Variants in FNIP2 observed in about 807,000 individuals in gnomAD.
The protein encoded by FNIP2 is folliculin interacting protein 2, also known as folliculin-interacting protein 2.
A neutral mutation model predicts 108.7 loss-of-function variants in FNIP2; 32 were observed. The ratio of observed to expected loss-of-function variants is 0.29; its 90% confidence interval spans 0.22 to 0.40. FNIP2 has a LOEUF of 0.40. FNIP2 is among the 10% of genes least tolerant of loss of function. The pLI is 1.00. For missense variants in FNIP2, 1,202 were observed against 1,381.6 expected (o/e 0.87, Z 2.06); for synonymous variants, 480 against 496.7 (o/e 0.97, Z 0.45).
At chr4:158,899,054 T>C (rs1782957134) in intron 16 of FNIP2, among the ~76,000 whole-genome samples, 1 of 152,110 alleles carries the variant, frequency 6.6e-6, no homozygotes, top group African/African-American at 2.4e-5. Context: ...TAGCTTGAAG[T>C]GGTGTTGAGT....
At chr4:158,849,717 G>A (rs1779592056) in intron 7 of FNIP2, among the ~76,000 whole-genome samples, 1 of 151,980 alleles carries the variant, frequency 6.6e-6, no homozygotes, top group Non-Finnish European at 1.5e-5. Flanking sequence ...CTTGAAATGT[G>A]GATTTGGTTT....
rs528174983 is a variant in FNIP2 at position 158,881,685 on chromosome 4, G to A, written c.2950-9761G>A. 3.8e-3 allele frequency among the ~76,000 whole-genome samples: 578 copies of A among 152,110 alleles called. 2 individuals are homozygous for A. The highest frequency in any genetic ancestry group is 0.013 in the African/African-American group (530 of 41,498). ...CCGGGCTGGTCTCCAGCTCCTAACC[G>A]CGAGTGATCTGCCAGCCTCGGCCTC... On this transcript the variant is annotated intron_variant, in intron 14 of 16. Transcript: ENST00000264433.
chr4:158,894,772 T>G (rs1285566369), intron 15 of FNIP2, among the ~76,000 whole-genome samples: 1 of 152,204 alleles, frequency 6.6e-6, no homozygotes, highest in Admixed American at 6.5e-5. Flanking sequence ...TTATTACTCT[T>G]AGTCACTTAG....
At chr4:158,778,642 A>G (rs998451494) in intron 1 of FNIP2, among the ~76,000 whole-genome samples, 3 of 152,176 alleles carry the variant, frequency 2.0e-5, no homozygotes, top group African/African-American at 7.2e-5. Flanking sequence ...ATTGTTGTTA[A>G]TCTCTTACTG....
At chr4:158,883,529 T>C (rs10007419) in intron 14 of FNIP2, among the ~76,000 whole-genome samples, 65,575 of 152,080 alleles carry the variant, frequency 0.43, 14,696 homozygotes, top group Middle Eastern at 0.53. Context: ...GCGTGAGCCA[T>C]CGCGCCCAGC....
intron 16 of FNIP2, among the ~76,000 whole-genome samples, chr4:158,902,850 C>T (rs553414479): frequency 7.2e-4 from 109 of 152,280 alleles, no homozygotes; most frequent in Admixed American, 1.3e-3. Flanking sequence ...CAACCTCAAA[C>T]GTCCCAGGTC....
At chr4:158,878,440 C>T (rs1472608353) in intron 14 of FNIP2, among the ~76,000 whole-genome samples, 1 of 152,164 alleles carries the variant, frequency 6.6e-6, no homozygotes, top group Admixed American at 6.5e-5. Context: ...CATGAGAAAT[C>T]AAAACCCCCT....
chr4:158,876,140 C>A (rs1250479840), intron 14 of FNIP2, among the ~76,000 whole-genome samples: 1 of 152,126 alleles, frequency 6.6e-6, no homozygotes, highest in South Asian at 2.1e-4. Context: ...CTCTGGGTAT[C>A]CCCAACTCCA....
chr4:158,850,189 A>G (rs1779620332), intron 7 of FNIP2, among the ~76,000 whole-genome samples: 1 of 152,238 alleles, frequency 6.6e-6, no homozygotes, highest in African/African-American at 2.4e-5. Flanking sequence ...AGTGATATTC[A>G]TGAGCATAGT....
chr4:158,889,998 C>A, intron 14 of FNIP2: 1 of 985,284 alleles, frequency 1.0e-6, no homozygotes, highest in Non-Finnish European at 1.2e-6. Flanking sequence ...GTGAAAGGGT[C>A]ATGAAAACCT....
intron 1 of FNIP2, among the ~76,000 whole-genome samples, chr4:158,792,443 T>C (rs1776452069): frequency 6.6e-6 from 1 of 151,824 alleles, no homozygotes; most frequent in African/African-American, 2.4e-5. Flanking sequence ...TGGAGTGCTG[T>C]CTAGTGGTCC....
intron 8 of FNIP2, among the ~76,000 whole-genome samples, chr4:158,854,445 C>T (rs1200807762): frequency 4.6e-5 from 7 of 152,208 alleles, no homozygotes; most frequent in Admixed American, 6.5e-5. Flanking sequence ...CTTCTAACAC[C>T]GTGTCCTGCC....
chr4:158,828,924 C>G (rs764359180), intron 2 of FNIP2, among the ~76,000 whole-genome samples, 155 bp from the exon 3 acceptor site: 2 of 152,084 alleles, frequency 1.3e-5, no homozygotes, highest in Non-Finnish European at 2.9e-5. Context: ...CATCCCAAAC[C>G]ATGTTTTTGT....
At position 158,904,579 on chromosome 4, in the gene FNIP2, A is replaced by AAAATC. The variant is rs746793630; in HGVS notation, c.*40_*44dup. On this transcript the variant is annotated 3_prime_UTR_variant, in exon 17 of 17. Coordinates refer to ENST00000264433, the MANE Select transcript of FNIP2 (RefSeq NM_020840.3). ...CAGGACAGTTCTTCCTTGGAAGAAAAAAATCAAATTCTCAACTGAAGGAGA... is the reference window on the plus strand; with the variant it reads ...CAGGACAGTTCTTCCTTGGAAGAAAAAAATCAAATCAAATTCTCAACTGAAGGAGA... 2.6e-6 allele frequency: 4 copies of AAAATC among 1,558,722 alleles called. No homozygotes were observed. In the Admixed American group the frequency reaches 6.8e-5, roughly 26 times the overall value.
chr4:158,887,686 G>A (rs1340555789), intron 14 of FNIP2, among the ~76,000 whole-genome samples: 6 of 133,070 alleles, frequency 4.5e-5, no homozygotes, highest in Admixed American at 8.7e-5. Flanking sequence ...GTAGAGAGCC[G>A]AGAATGCACT....
intron 2 of FNIP2, 31 bp from the exon 3 acceptor site, chr4:158,829,048 T>C: frequency 6.5e-7 from 1 of 1,546,726 alleles, no homozygotes. Flanking sequence ...TACTTAGTAA[T>C]CTTTTACCTT....
rs566101786 is a variant in FNIP2, at chr4:158,873,872, C to T, written c.2949+3403C>T. On this transcript the variant is annotated intron_variant, in intron 14 of 16. Coordinates refer to ENST00000264433, the MANE Select transcript of FNIP2 (RefSeq NM_020840.3). ...CTTGTGCATTCTTTCCTCTGTTTTC[C>T]TTTTGACTTTAAATGGAAAGAGAGC... is the stretch of plus-strand genomic sequence containing the variant. Among the ~76,000 whole-genome samples, 112 of 152,272 alleles carry T rather than the reference C, an allele frequency of 7.4e-4. 1 individual carries two copies. The highest frequency in any genetic ancestry group is 2.4e-3 in the African/African-American group (101 of 41,552).
intron 1 of FNIP2, among the ~76,000 whole-genome samples, chr4:158,802,400 A>G (rs1480617459): frequency 6.6e-6 from 1 of 150,992 alleles, no homozygotes; most frequent in Non-Finnish European, 1.5e-5. Flanking sequence ...TCCTTTCAAG[A>G]TTGGACATAC....
intron 7 of FNIP2, among the ~76,000 whole-genome samples, chr4:158,843,679 C>T (rs1005622632): frequency 1.3e-5 from 2 of 152,176 alleles, no homozygotes; most frequent in African/African-American, 2.4e-5. Context: ...ATCTTAGGTA[C>T]GGGAAGGGCT....
Sources: gnomAD v4.1 joint callset for allele counts (sites outside exome capture counted in the v4.1 genomes callset) on GRCh38, gnomAD v4.1.1 for gene constraint, MANE v1.5 for transcripts, NCBI Gene and HGNC (gene_info 2026-07-23, HGNC 2026-07-21) for gene names.